AGMO: variants seen among roughly 807,000 people sequenced by gnomAD.
AGMO encodes the protein glyceryl-ether monooxygenase.
Under a neutral mutation model 60.2 loss-of-function variants are expected in AGMO, and 75 were observed. The ratio of observed to expected loss-of-function variants is 1.25; its 90% CI spans 1.03 to 1.51. AGMO has a LOEUF of 1.51. Ranked by LOEUF, AGMO falls within the 40% of genes most tolerant of loss-of-function variation. The pLI is 0.00. For synonymous variants in AGMO, 261 were observed against 177.1 expected (o/e 1.47, Z -3.76); for missense variants, 763 against 525.5 (o/e 1.45, Z -4.42).
intron 4 of AGMO, 40 bp from the exon 5 acceptor site, chr7:15,418,693 G>T (rs1222447489): frequency 3.2e-6 from 4 of 1,244,864 alleles, no homozygotes; most frequent in Non-Finnish European, 4.5e-6. Context: ...TTGCATATAT[G>T]AATTCTCAAT....
the AGMO span, among the ~76,000 whole-genome samples, chr7:15,157,966 C>T: frequency 6.6e-6 from 1 of 152,266 alleles, no homozygotes; most frequent in South Asian, 2.1e-4. Flanking sequence ...CTTGAATATT[C>T]TGGTTGCTAA....
intron 2 of AGMO, among the ~76,000 whole-genome samples, chr7:15,550,887 T>C (rs1236110730): frequency 4.3e-5 from 6 of 139,860 alleles, no homozygotes; most frequent in African/African-American, 1.4e-4. Flanking sequence ...TAGACCAATA[T>C]CCTTGATGAA....
chr7:15,246,307 C>T lies in AGMO; in HGVS notation c.1264-44948G>A, dbSNP rs151155235. ...AAGACATTTGTTTAACTAATGAATA[C>T]ATTTGTTCCTGTGAACTGCTGTTAT... On this transcript the variant is annotated intron_variant, in intron 12 of 12. Transcript: ENST00000342526. Among the ~76,000 whole-genome samples the T allele has an allele frequency of 1.2e-4, 19 of 152,056 alleles. No individual in the cohort carries two copies. The East Asian group carries it at 3.1e-3, about 25-fold the overall frequency.
chr7:15,328,438 G>A (rs906920911), intron 12 of AGMO, among the ~76,000 whole-genome samples: 3 of 152,148 alleles, frequency 2.0e-5, no homozygotes, highest in African/African-American at 7.2e-5. Context: ...AGTAAGGAAG[G>A]AGTCTTGTGA....
chr7:15,123,251 ATTC>A, the AGMO span, among the ~76,000 whole-genome samples: 1 of 152,080 alleles, frequency 6.6e-6, no homozygotes. Context: ...TGAAAAGTCT[ATTC>A]TTATTTACTG....
chr7:15,296,850 G>C lies in AGMO; in HGVS notation c.1263+68664C>G, dbSNP rs963636681. ...TTTAGCTGAGCGGAAATTTGTCCTT[G>C]AGTCTTAAAGAAGCCAAAGCTAGTG... On this transcript the variant is annotated intron_variant, in intron 12 of 12. Coordinates refer to ENST00000342526, the MANE Select transcript of AGMO (RefSeq NM_001004320.2). 2.0e-5 allele frequency among the ~76,000 whole-genome samples: 3 copies of C among 152,098 alleles called. No individual in the cohort carries two copies. In the South Asian group the frequency reaches 6.2e-4, roughly 31 times the overall value.
At chr7:15,423,427 G>A (rs559817871) in intron 4 of AGMO, among the ~76,000 whole-genome samples, 81 of 151,402 alleles carry the variant, frequency 5.3e-4, no homozygotes, top group Middle Eastern at 3.4e-3. Flanking sequence ...CTATTTTTCT[G>A]GTCCCATTTC....
At chr7:15,498,604 T>A (rs1190423151) in intron 3 of AGMO, among the ~76,000 whole-genome samples, 4 of 151,982 alleles carry the variant, frequency 2.6e-5, no homozygotes, top group African/African-American at 9.7e-5. Flanking sequence ...AATTTATGGA[T>A]GCACTGACCA....
intron 12 of AGMO, among the ~76,000 whole-genome samples, chr7:15,231,918 T>A (rs1449197764): frequency 6.6e-6 from 1 of 152,190 alleles, no homozygotes; most frequent in Non-Finnish European, 1.5e-5. Flanking sequence ...ACTTATATAT[T>A]TATCACAGAT....
chr7:15,319,702 C>T (rs1781047611), intron 12 of AGMO, among the ~76,000 whole-genome samples: 2 of 151,762 alleles, frequency 1.3e-5, no homozygotes, highest in South Asian at 4.2e-4. Context: ...AACACACACA[C>T]GGAAAGATTC....
At chr7:15,226,463 A>C (rs1782084876) in intron 12 of AGMO, among the ~76,000 whole-genome samples, 1 of 152,094 alleles carries the variant, frequency 6.6e-6, no homozygotes, top group African/African-American at 2.4e-5. Context: ...AGTAGATACA[A>C]AATCAGTTAC....
rs550420236 is a variant in AGMO at position 15,264,319 on chromosome 7, T to C, written c.1264-62960A>G. 2.6e-5 allele frequency among the ~76,000 whole-genome samples: 4 copies of C among 152,002 alleles called. No individual in the cohort carries two copies. The South Asian group carries it at 8.3e-4, about 31-fold the overall frequency. ...GCATGAGACTTTCCTTACAGTGAAA[T>C]AATTGCCATATATTCTATCTTAAAT... On this transcript the variant is annotated intron_variant, in intron 12 of 12. Transcript: ENST00000342526.
chr7:15,446,563 T>C (rs1303820472), intron 3 of AGMO, among the ~76,000 whole-genome samples: 1 of 152,186 alleles, frequency 6.6e-6, no homozygotes, highest in African/African-American at 2.4e-5. Flanking sequence ...AACACACACA[T>C]ACTTTGAGAT....
chr7:15,138,835 C>T, the AGMO span, among the ~76,000 whole-genome samples: 1 of 119,160 alleles, frequency 8.4e-6, no homozygotes, highest in Admixed American at 8.5e-5. Flanking sequence ...AAATAAAATT[C>T]TCAAAAAATT....
intron 12 of AGMO, among the ~76,000 whole-genome samples, chr7:15,288,439 TATG>T (rs1329400459): frequency 6.6e-6 from 1 of 152,186 alleles, no homozygotes; most frequent in African/African-American, 2.4e-5. Context: ...CCTGATAACT[TATG>T]ATATTATGAA....
chr7:15,530,543 TATTCTATATAC>T (rs1784281015), intron 3 of AGMO, among the ~76,000 whole-genome samples: 1 of 88,256 alleles, frequency 1.1e-5, no homozygotes, highest in African/African-American at 4.1e-5. Flanking sequence ...TTTCTATATA[TATTCTATATAC>T]GTATTTCTAT....
intron 5 of AGMO, among the ~76,000 whole-genome samples, chr7:15,413,532 C>G (rs932366009): frequency 2.6e-5 from 4 of 151,902 alleles, no homozygotes; most frequent in Admixed American, 1.3e-4. Flanking sequence ...AGTCAAACTG[C>G]TAATATTTTA....
chr7:15,537,965 C>T (rs923279330), intron 3 of AGMO, among the ~76,000 whole-genome samples: 3 of 151,864 alleles, frequency 2.0e-5, no homozygotes, highest in African/African-American at 4.8e-5. Context: ...CGTGGGATGG[C>T]GCCTGTCACT....
intron 3 of AGMO, among the ~76,000 whole-genome samples, chr7:15,486,272 G>A (rs968610954): frequency 2.6e-5 from 4 of 152,094 alleles, no homozygotes; most frequent in East Asian, 1.9e-4. Context: ...TGACAGTAAC[G>A]GGTACCATTG....
Sources: allele counts gnomAD v4.1 joint callset (sites outside exome capture counted in the v4.1 genomes callset), GRCh38; gene constraint gnomAD v4.1.1; transcripts MANE v1.5; gene names NCBI Gene and HGNC (gene_info 2026-07-23, HGNC 2026-07-21).